The following ROBO2 variants were observed in gnomAD, a reference collection of about 807,000 sequenced individuals.
ROBO2 encodes the protein roundabout homolog 2.
ROBO2 carries 53 observed loss-of-function variants against 160.8 expected under a neutral mutation model. The observed-to-expected ratio is 0.33, with a 90% CI of 0.26 to 0.41. ROBO2 has a LOEUF of 0.41. Ranked by LOEUF, ROBO2 falls within the 10% of genes least tolerant of loss-of-function variation. ROBO2 has a pLI of 1.00. For missense variants in ROBO2, 1,577 were observed against 1,722.4 expected, an observed-to-expected ratio of 0.92 and a Z score of 1.49; for synonymous variants, 664 against 611.7, an observed-to-expected ratio of 1.09 and a Z score of -1.26.
At chr3:76,469,692 C>T (rs1214431783) in intron 2 of ROBO2, among the ~76,000 whole-genome samples, 1 of 152,054 alleles carries the variant, frequency 6.6e-6, no homozygotes, top group Non-Finnish European at 1.5e-5. Context: ...AACTACTCAT[C>T]ACCTTTGAAA....
intron 2 of ROBO2, among the ~76,000 whole-genome samples, chr3:76,288,523 C>T (rs895767474): frequency 1.3e-5 from 2 of 150,856 alleles, no homozygotes; most frequent in African/African-American, 4.9e-5. Flanking sequence ...TCAGGGGATA[C>T]ATGTGCAGGC....
intron 2 of ROBO2, among the ~76,000 whole-genome samples, chr3:76,515,648 G>GTAT (rs2081314770): frequency 6.6e-6 from 1 of 152,098 alleles, no homozygotes; most frequent in Non-Finnish European, 1.5e-5. Context: ...ATAAAAATAT[G>GTAT]TATTGAGCAT....
chr3:76,939,058 C>T (rs1334115592), intron 2 of ROBO2, among the ~76,000 whole-genome samples: 2 of 151,260 alleles, frequency 1.3e-5, no homozygotes, highest in Non-Finnish European at 2.9e-5. Flanking sequence ...ACATATTCAG[C>T]CAACAGAGAG....
chr3:76,992,235 A>G (rs2060706396), intron 2 of ROBO2, among the ~76,000 whole-genome samples: 1 of 150,814 alleles, frequency 6.6e-6, no homozygotes, highest in East Asian at 1.9e-4. Context: ...TCATGGCAGC[A>G]GTGTGTTTTC....
chr3:76,322,163 C>CATATATATATATATATAT (rs1559761091), intron 2 of ROBO2, among the ~76,000 whole-genome samples: 1 of 40,158 alleles, frequency 2.5e-5, no homozygotes, highest in Non-Finnish European at 4.7e-5. Flanking sequence ...CTACTTCTTC[C>CATATATATATATATATAT]GTATATATAT....
At chr3:76,568,730 T>C (rs2084768127) in intron 2 of ROBO2, among the ~76,000 whole-genome samples, 1 of 152,190 alleles carries the variant, frequency 6.6e-6, no homozygotes, top group Non-Finnish European at 1.5e-5. Flanking sequence ...CTGTGAGATA[T>C]ATTGTACCTT....
chr3:76,673,740 GAAAATAGACCC>G (rs955041523), intron 2 of ROBO2, among the ~76,000 whole-genome samples: 4 of 151,846 alleles, frequency 2.6e-5, no homozygotes, highest in Non-Finnish European at 4.4e-5. Context: ...AGGTGAAAAT[GAAAATAGACCC>G]AAAATTCAAA....
At chr3:76,021,353 C>A (rs1285824949) in intron 2 of ROBO2, among the ~76,000 whole-genome samples, 2 of 151,814 alleles carry the variant, frequency 1.3e-5, no homozygotes, top group African/African-American at 2.4e-5. Flanking sequence ...CCACCACTCT[C>A]ACCTACCAAT....
chr3:77,062,722 C>T (rs908745926), intron 1 of ROBO2, among the ~76,000 whole-genome samples: 2 of 152,066 alleles, frequency 1.3e-5, no homozygotes, highest in Admixed American at 6.6e-5. Context: ...AGCACTCCAC[C>T]AGGAGGGTCA....
chr3:77,196,635 GTTAT>G (rs2082336482), intron 2 of ROBO2, among the ~76,000 whole-genome samples: 1 of 151,864 alleles, frequency 6.6e-6, no homozygotes, highest in South Asian at 2.1e-4. Flanking sequence ...ATATGTACAT[GTTAT>G]TTATTGATTT....
intron 2 of ROBO2, among the ~76,000 whole-genome samples, chr3:76,821,097 T>G (rs1261187359): frequency 2.0e-5 from 3 of 151,966 alleles, no homozygotes; most frequent in Non-Finnish European, 4.4e-5. Context: ...TTTTTAACAT[T>G]CAGGAAATAA....
intron 2 of ROBO2, among the ~76,000 whole-genome samples, chr3:76,812,345 GAAA>G (rs199902883): frequency 5.3e-5 from 5 of 94,462 alleles, no homozygotes; most frequent in East Asian, 5.2e-4. Flanking sequence ...AAAGCTATTT[GAAA>G]AAAAAAAAAA....
chr3:76,797,196 G>C (rs947071197), intron 2 of ROBO2, among the ~76,000 whole-genome samples: 1 of 151,954 alleles, frequency 6.6e-6, no homozygotes, highest in Non-Finnish European at 1.5e-5. Flanking sequence ...CTTACATTAG[G>C]CCAAAAAATA....
intron 2 of ROBO2, among the ~76,000 whole-genome samples, chr3:76,174,732 T>C (rs1328265945): frequency 6.6e-6 from 1 of 152,186 alleles, no homozygotes; most frequent in Non-Finnish European, 1.5e-5. Context: ...ATATCTGTTT[T>C]GGTACCAGTA....
In ROBO2 at chr3:76,088,723, T is replaced by C. The variant is rs190775584; in HGVS notation, c.109+151121T>C. Among the ~76,000 whole-genome samples the C allele has an allele frequency of 4.9e-4, 75 of 152,102 alleles. 1 individual carries two copies. The highest frequency in any genetic ancestry group is 3.4e-3 in the Middle Eastern group (1 of 294). ...TTTGTGGGAGGCAACAAAAGCAATTTATGAGGGAAATTTACAGCATCGAAT... is the reference window on the plus strand; with the variant it reads ...TTTGTGGGAGGCAACAAAAGCAATTCATGAGGGAAATTTACAGCATCGAAT... On this transcript the variant is annotated intron_variant, in intron 2 of 26. Coordinates refer to the ROBO2 transcript ENST00000487694.
At chr3:76,879,715 A>G (rs2073148527) in intron 2 of ROBO2, among the ~76,000 whole-genome samples, 1 of 152,138 alleles carries the variant, frequency 6.6e-6, no homozygotes, top group Admixed American at 6.5e-5. Flanking sequence ...AATAATAATG[A>G]AACTAATATA....
Position 76,557,964 on chromosome 3 carries a change from G to A in ROBO2, c.110-540050G>A, listed in dbSNP as rs116377499. On this transcript the variant is annotated intron_variant, in intron 2 of 26. Coordinates refer to the ROBO2 transcript ENST00000487694. ...CTATGTTTCAAAATAGTTATCATGC[G>A]GATAATGGGGAGGCATTCAACTATT... Among the ~76,000 whole-genome samples, 731 of 151,082 alleles carry A rather than the reference G, an allele frequency of 4.8e-3. 4 individuals carry two copies. Among genetic ancestry groups the A allele is most frequent in the Non-Finnish European group, 7.4e-3 (499 of 67,684 alleles).
intron 2 of ROBO2, among the ~76,000 whole-genome samples, chr3:76,810,519 T>C (rs1214549075): frequency 2.6e-5 from 4 of 152,052 alleles, no homozygotes; most frequent in East Asian, 3.9e-4. Flanking sequence ...AAATAAAGCA[T>C]TTATCAGATT....
At chr3:76,957,521 A>G (rs2079355982) in intron 2 of ROBO2, among the ~76,000 whole-genome samples, 1 of 152,068 alleles carries the variant, frequency 6.6e-6, no homozygotes, top group Non-Finnish European at 1.5e-5. Context: ...GATAGAATCA[A>G]CTATTTTGGT....
Sources: gnomAD v4.1 joint callset for allele counts (sites outside exome capture counted in the v4.1 genomes callset) on GRCh38, gnomAD v4.1.1 for gene constraint, MANE v1.5 for transcripts, NCBI Gene and HGNC (gene_info 2026-07-23, HGNC 2026-07-21) for gene names.